EFHC1: variants seen among roughly 807,000 people sequenced by gnomAD.
EFHC1 encodes EF-hand domain-containing protein 1.
Under a neutral mutation model 69.9 loss-of-function variants are expected in EFHC1, and 53 were observed. The ratio of observed to expected loss-of-function variants is 0.76; its 90% CI spans 0.61 to 0.95. EFHC1 has a LOEUF of 0.95. Among genes scored for constraint, EFHC1 ranks in the 40% least tolerant of loss-of-function variants. The pLI, the probability that EFHC1 is intolerant of heterozygous loss-of-function variation, is 0.00. For synonymous variants in EFHC1, 256 were observed against 278.4 expected (o/e 0.92, Z 0.80); for missense variants, 739 against 798.7 (o/e 0.93, Z 0.90).
intron 5 of EFHC1, among the ~76,000 whole-genome samples, chr6:52,458,944 A>G (rs1199354654): frequency 1.3e-5 from 2 of 152,212 alleles, no homozygotes; most frequent in Non-Finnish European, 2.9e-5. Context: ...AAATAAAATC[A>G]TATTCTTTGC....
At chr6:52,483,639 A>T (rs529638764) in intron 9 of EFHC1, 2 of 152,182 alleles carry the variant, frequency 1.3e-5, no homozygotes, top group South Asian at 4.1e-4. Context: ...TGTCATGGCA[A>T]TGGTAAACTG....
chr6:52,429,304 T>C (rs1370276231), intron 2 of EFHC1, among the ~76,000 whole-genome samples: 2 of 152,210 alleles, frequency 1.3e-5, no homozygotes, highest in Admixed American at 6.5e-5. Flanking sequence ...AATGTTATTT[T>C]CTAGAATTTT....
intron 5 of EFHC1, among the ~76,000 whole-genome samples, chr6:52,463,681 G>A (rs1455736488): frequency 6.6e-6 from 1 of 152,168 alleles, no homozygotes; most frequent in East Asian, 1.9e-4. Flanking sequence ...AATTTGTTGA[G>A]CAAACAAAGG....
At chr6:52,423,754 C>A in intron 1 of EFHC1, 192 bp from the exon 2 acceptor site, 1 of 1,396,672 alleles carries the variant, frequency 7.2e-7, no homozygotes, top group South Asian at 1.3e-5. Flanking sequence ...GATTCTCCCT[C>A]TTCAGCCTCC....
chr6:52,445,218 A>G (rs541725833), intron 3 of EFHC1, among the ~76,000 whole-genome samples: 28 of 150,300 alleles, frequency 1.9e-4, no homozygotes, highest in Admixed American at 6.6e-4. Flanking sequence ...CTAGCGGTCT[A>G]TCAGTTTTGT....
At chr6:52,429,448 G>T (rs180691735) in intron 2 of EFHC1, among the ~76,000 whole-genome samples, 129 of 152,138 alleles carry the variant, frequency 8.5e-4, no homozygotes, top group Non-Finnish European at 1.5e-3. Context: ...GTTGAATAGG[G>T]TGTCCTTTCC....
chr6:52,438,701 A>G (rs1764592542), intron 3 of EFHC1, 110 bp downstream of exon 3: 3 of 1,090,320 alleles, frequency 2.8e-6, no homozygotes, highest in African/African-American at 3.1e-5. Context: ...TCTGTCCTGC[A>G]TGAATTATTA....
At chr6:52,489,763 A>T (rs953666682) in intron 9 of EFHC1, among the ~76,000 whole-genome samples, 2 of 152,222 alleles carry the variant, frequency 1.3e-5, no homozygotes, top group Non-Finnish European at 2.9e-5. Context: ...CTTTATATAT[A>T]TCACTCAGGC....
Position 52,494,412 on chromosome 6 carries a change from C to G in EFHC1, c.*2071C>G, listed in dbSNP as rs1387594215. Reference sequence around the variant, plus strand: ...CTTTCTGTCTTCTGCTCCCTTTGTTCCTATTCAGCCATGCTGCTGTTTCTA... The same window carrying G: ...CTTTCTGTCTTCTGCTCCCTTTGTTGCTATTCAGCCATGCTGCTGTTTCTA... On this transcript the variant is annotated 3_prime_UTR_variant, in exon 11 of 11. Coordinates refer to ENST00000371068, the MANE Select transcript of EFHC1 (RefSeq NM_018100.4). The G allele has an allele frequency of 2.2e-6, 1 of 454,114 alleles. No homozygotes were observed. 28.1% of individuals were successfully genotyped at this position (454,114 alleles called of 1,614,324 possible).
At chr6:52,452,946 C>T (rs1176727593) in intron 4 of EFHC1, 109 bp downstream of exon 4, 2 of 1,599,300 alleles carry the variant, frequency 1.3e-6, no homozygotes, top group South Asian at 2.2e-5. Context: ...AACATTACAG[C>T]TATAATTGAA....
chr6:52,439,329 T>C (rs1764607270), intron 3 of EFHC1, among the ~76,000 whole-genome samples: 1 of 152,158 alleles, frequency 6.6e-6, no homozygotes, highest in Non-Finnish European at 1.5e-5. Flanking sequence ...TAGTGCCATA[T>C]GTGACTAATT....
In EFHC1 at chr6:52,453,130, C is replaced by T. The variant is rs115701608; in HGVS notation, c.723+293C>T. ...TGAGCTACATCTGCTTCCCACCTTACGTTTCCAATTGACAATTTCTTTCCC... is the reference window on the plus strand; with the variant it reads ...TGAGCTACATCTGCTTCCCACCTTATGTTTCCAATTGACAATTTCTTTCCC... On this transcript the variant is annotated intron_variant, in intron 4 of 10. Transcript: ENST00000371068. 1,609 of 1,397,592 alleles carry T rather than the reference C, an allele frequency of 1.2e-3. 17 individuals carry two copies. The African/African-American group carries it at 0.019, about 17-fold the overall frequency. 86.6% of individuals were successfully genotyped at this position (1,397,592 alleles called of 1,614,324 possible).
chr6:52,433,687 T>C (rs1240253742), intron 2 of EFHC1, among the ~76,000 whole-genome samples: 2 of 152,160 alleles, frequency 1.3e-5, no homozygotes, highest in Non-Finnish European at 2.9e-5. Flanking sequence ...CAAGATAGCA[T>C]TAGCTGTGGT....
intron 9 of EFHC1, 174 bp downstream of exon 9, chr6:52,479,961 TTTCAAC>T (rs1765639382): frequency 2.0e-6 from 2 of 1,023,616 alleles, no homozygotes; most frequent in Non-Finnish European, 2.8e-6. Flanking sequence ...CTTAGAACTT[TTTCAAC>T]TTCATTTGTT....
rs1439267375 is a variant in EFHC1 at position 52,438,412 on chromosome 6, T to C, written c.394T>C (p.Ser132Pro). 1 of 1,613,918 alleles carries C rather than the reference T, an allele frequency of 6.2e-7. No homozygotes were observed. Among genetic ancestry groups the C allele is most frequent in the Non-Finnish European group, 8.5e-7 (1 of 1,179,834 alleles). ...CTATTATCTAGAAGATGACAGCATG[T>C]CTGTCATAGAGCCTGTTGTAGAAAA... ...IYYYLEDDSM[S>P]VIEPVVENSG... The change falls in exon 3 of 11, where the codon TCT becomes CCT. Residue 132 changes from serine (S) to proline (P), a missense_variant. Physicochemically the swap from Ser to Pro is moderately conservative, Grantham distance 74. Transcript: ENST00000371068.
At chr6:52,483,199 C>T (rs868297931) in intron 9 of EFHC1, 9 of 208,566 alleles carry the variant, frequency 4.3e-5, no homozygotes, top group Middle Eastern at 3.4e-3. Context: ...TAGTTATTAA[C>T]TGTGTTAACT....
intron 2 of EFHC1, among the ~76,000 whole-genome samples, chr6:52,435,665 C>CT (rs1377738865): frequency 6.6e-6 from 1 of 152,210 alleles, no homozygotes; most frequent in Non-Finnish European, 1.5e-5. Context: ...GGCTTCCAGT[C>CT]TGATTGCCAT....
At position 52,495,844 on chromosome 6, in the gene EFHC1, TG is replaced by T. The variant is rs1418285793; in HGVS notation, c.*3504del. ...TTAAGTTTACTTAAGACTGAGAAGC[TG>T]AGATCTGACAGCACCAACACAAGGT... On this transcript the variant is annotated 3_prime_UTR_variant, in exon 11 of 11. Coordinates refer to ENST00000371068, the MANE Select transcript of EFHC1 (RefSeq NM_018100.4). 1 of 345,214 alleles carries T rather than the reference TG, an allele frequency of 2.9e-6. No individual in the cohort carries two copies. Among genetic ancestry groups the T allele is most frequent in the Non-Finnish European group, 5.7e-6 (1 of 175,990 alleles). The allele number at this position is 345,214 out of a possible 1,614,324, so 21.4% of individuals were successfully genotyped here.
chr6:52,421,367 C>T (rs1160910367), intron 1 of EFHC1, among the ~76,000 whole-genome samples: 2 of 151,976 alleles, frequency 1.3e-5, no homozygotes, highest in South Asian at 2.1e-4. Flanking sequence ...CCTTCCCCAA[C>T]CTTGTGTTTT....
Sources: allele counts gnomAD v4.1 joint callset (sites outside exome capture counted in the v4.1 genomes callset), GRCh38; gene constraint gnomAD v4.1.1; transcripts MANE v1.5; gene names NCBI Gene and HGNC (gene_info 2026-07-23, HGNC 2026-07-21).